WIPI1: variants seen among roughly 807,000 people sequenced by gnomAD.
WIPI1 encodes the protein WD repeat domain, phosphoinositide interacting 1, also known as WD repeat domain phosphoinositide-interacting protein 1.
Under a neutral mutation model 55.3 loss-of-function variants are expected in WIPI1, and 45 were observed. The ratio of observed to expected loss-of-function variants is 0.81; its 90% CI spans 0.64 to 1.04. The LOEUF (loss-of-function observed/expected upper bound fraction) is 1.04. WIPI1 is among the 50% of genes least tolerant of loss of function. The pLI is 0.00. For missense variants in WIPI1, 445 were observed against 559.0 expected (o/e 0.80, Z 2.06); for synonymous variants, 195 against 217.6 (o/e 0.90, Z 0.92).
At chr17:68,428,053 G>A (rs144819480) in intron 10 of WIPI1, among the ~76,000 whole-genome samples, 1 of 152,058 alleles carries the variant, frequency 6.6e-6, no homozygotes, top group Non-Finnish European at 1.5e-5. Flanking sequence ...CACCATGCCT[G>A]GCTAATTTTT....
chr17:68,423,392 T>A lies in WIPI1; in HGVS notation c.1294-1572A>T, dbSNP rs577566283. ...GCCTGCCTGCTACTGAGACAGTGCC[T>A]TAGTGGGAGCACTGCCCCTCATCAC... is the stretch of plus-strand genomic sequence containing the variant. On this transcript the variant is annotated intron_variant, in intron 12 of 12. Transcript: ENST00000262139. This position sits in a 1 kb window ranked among gnomAD's most constrained non-coding sequence, Gnocchi z 4.4. 6.6e-6 allele frequency among the ~76,000 whole-genome samples: 1 copy of A among 152,256 alleles called. No homozygotes were observed. Among genetic ancestry groups the A allele is most frequent in the South Asian group, 2.1e-4 (1 of 4,832 alleles).
chr17:68,427,290 G>T (rs1461987744), intron 10 of WIPI1, 37 bp from the exon 11 acceptor site: 2 of 1,505,576 alleles, frequency 1.3e-6, no homozygotes, highest in South Asian at 1.1e-5. Context: ...AAAGAAAAAA[G>T]AAATCATCAT....
At chr17:68,439,858 G>C (rs1010573545) in intron 4 of WIPI1, among the ~76,000 whole-genome samples, 1 of 152,130 alleles carries the variant, frequency 6.6e-6, no homozygotes, top group African/African-American at 2.4e-5. Context: ...CCAAGCCTTC[G>C]TTTCTTACTT....
At chr17:68,432,628 T>C (rs748767818) in intron 8 of WIPI1, among the ~76,000 whole-genome samples, 5 of 152,052 alleles carry the variant, frequency 3.3e-5, no homozygotes, top group Non-Finnish European at 5.9e-5. Flanking sequence ...CTGTTACGTA[T>C]GTGTTAGCAT....
intron 3 of WIPI1, among the ~76,000 whole-genome samples, chr17:68,444,873 C>T (rs1015986170): frequency 1.3e-5 from 2 of 151,302 alleles, no homozygotes. Context: ...CTCCCTCCCT[C>T]TCTTCCTTCT....
Position 68,423,301 on chromosome 17 carries a change from G to A in WIPI1, c.1294-1481C>T, listed in dbSNP as rs1361313486. Among the ~76,000 whole-genome samples, 1 of 152,222 alleles carries A rather than the reference G, an allele frequency of 6.6e-6. No homozygotes were observed. Among genetic ancestry groups the A allele is most frequent in the Admixed American group, 6.5e-5 (1 of 15,288 alleles). ...CTGCCAATTCAGGCATGACTGAGAT[G>A]GGCCATATTGATAGAGCATCCCAGG... On this transcript the variant is annotated intron_variant, in intron 12 of 12. Transcript: ENST00000262139. The surrounding 1 kb of genome is among the most constrained non-coding windows in gnomAD (Gnocchi z 4.4).
intron 1 of WIPI1, among the ~76,000 whole-genome samples, chr17:68,455,839 C>G (rs80005163): frequency 2.0e-5 from 3 of 152,106 alleles, no homozygotes; most frequent in African/African-American, 7.2e-5. Flanking sequence ...GAATTTAGAA[C>G]ATTTACTACT....
chr17:68,427,233 G>A lies in WIPI1; in HGVS notation c.1094C>T (p.Thr365Ile), dbSNP rs1178364159. 1 of 1,613,832 alleles carries A rather than the reference G, an allele frequency of 6.2e-7. No individual in the cohort carries two copies. Among genetic ancestry groups the A allele is most frequent in the Non-Finnish European group, 8.5e-7 (1 of 1,179,980 alleles). ...KTHSLLGSGT[T>I]EENKENDLRP... ...GAGGTCATTTTCTTTATTCTCTTCT[G>A]TTGTTCCTGAGCCAAGCAAGCTACT... The change falls in exon 11 of 13, where the codon ACA becomes ATA. Residue 365 changes from threonine to isoleucine, a missense_variant. By Grantham distance (89) the Thr-to-Ile change is moderately conservative. Transcript: ENST00000262139.
In WIPI1 at chr17:68,457,388, C is replaced by T; in HGVS notation, c.34G>A (p.Gly12Arg). The change falls in exon 1 of 13, where the codon GGG becomes AGG. Residue 12 changes from glycine (G) to arginine (R), a missense_variant. Transcript: ENST00000262139. ...EAEAADAPPG[G>R]VESALSCFSF... is the part of the protein sequence containing the mutation. ...AAGCAGCTGAGCGCCGACTCAACCC[C>T]GCCCGGGGGAGCGTCCGCGGCCTCG... 6.5e-7 allele frequency: 1 copy of T among 1,536,176 alleles called. No homozygotes were observed.
intron 10 of WIPI1, chr17:68,428,371 G>GGTTGT (rs1568625084): frequency 5.8e-6 from 1 of 171,216 alleles, no homozygotes; most frequent in East Asian, 1.7e-4. Context: ...TGGGACTACA[G>GGTTGT]GTGTGTGCCA....
At chr17:68,428,021 G>T (rs1253872743) in intron 10 of WIPI1, among the ~76,000 whole-genome samples, 6 of 152,042 alleles carry the variant, frequency 3.9e-5, no homozygotes, top group Admixed American at 2.0e-4. Context: ...CTCCCAAGTA[G>T]CTGGGACTAC....
At chr17:68,450,573 T>C (rs548359158) in intron 3 of WIPI1, among the ~76,000 whole-genome samples, 155 bp downstream of exon 3, 2 of 152,368 alleles carry the variant, frequency 1.3e-5, no homozygotes, top group South Asian at 4.1e-4. Context: ...GAGTAGACTC[T>C]GTTTACAATA....
intron 2 of WIPI1, 151 bp from the exon 3 acceptor site, chr17:68,451,048 G>T: frequency 1.8e-6 from 2 of 1,104,168 alleles, no homozygotes; most frequent in Non-Finnish European, 2.5e-6. Flanking sequence ...CATTGACAGT[G>T]ATCCACCATG....
chr17:68,433,783 T>TTGTTTTTG (rs1205863117), intron 7 of WIPI1, among the ~76,000 whole-genome samples: 1 of 85,900 alleles, frequency 1.2e-5, no homozygotes, highest in African/African-American at 4.0e-5. Flanking sequence ...TTTTTTTTTT[T>TTGTTTTTG]TTTTTTTTTT....
At chr17:68,436,307 G>T in intron 5 of WIPI1, 75 bp downstream of exon 5, 2 of 1,384,316 alleles carry the variant, frequency 1.4e-6, no homozygotes, top group South Asian at 1.2e-5. Context: ...ACGGCAGGGC[G>T]TCCTTATCTA....
chr17:68,455,877 C>T (rs952437567), intron 1 of WIPI1, among the ~76,000 whole-genome samples: 1 of 152,182 alleles, frequency 6.6e-6, no homozygotes, highest in Non-Finnish European at 1.5e-5. Context: ...CCTTTCTTAA[C>T]TTGTGTTCAA....
intron 11 of WIPI1, 53 bp from the exon 12 acceptor site, chr17:68,426,228 C>T (rs1318473364): frequency 1.0e-6 from 1 of 984,538 alleles, no homozygotes; most frequent in Non-Finnish European, 1.5e-6. Flanking sequence ...GCTTTTATGC[C>T]ATGACCTGGC....
At chr17:68,430,889 G>A (rs1057141343) in intron 8 of WIPI1, among the ~76,000 whole-genome samples, 2 of 152,214 alleles carry the variant, frequency 1.3e-5, no homozygotes, top group African/African-American at 4.8e-5. Flanking sequence ...GCAGGATTAG[G>A]TCCTGGTGGG....
intron 4 of WIPI1, among the ~76,000 whole-genome samples, chr17:68,441,972 G>A (rs991309301): frequency 2.1e-4 from 32 of 152,300 alleles, no homozygotes; most frequent in African/African-American, 7.2e-4. Context: ...CTGAGACAGA[G>A]GAAGTCTCTG....
Sources: allele counts gnomAD v4.1 joint callset (sites outside exome capture counted in the v4.1 genomes callset), GRCh38; gene constraint gnomAD v4.1.1; non-coding constraint Gnocchi (gnomAD v3.1); transcripts MANE v1.5; gene names NCBI Gene and HGNC (gene_info 2026-07-23, HGNC 2026-07-21).